The following CCDC138 variants were observed in gnomAD, a reference collection of about 807,000 sequenced individuals.
The protein encoded by CCDC138 is coiled-coil domain-containing protein 138.
A neutral mutation model predicts 82.3 loss-of-function variants in CCDC138; 66 were observed. The ratio of observed to expected loss-of-function variants is 0.80; its 90% CI spans 0.66 to 0.98. CCDC138 has a LOEUF of 0.98. Among genes scored for constraint, CCDC138 ranks in the 50% least tolerant of loss-of-function variants. The probability of loss-of-function intolerance (pLI) is 0.00; values close to 1 mark genes in which losing one functional copy is unlikely to be tolerated. For missense variants in CCDC138, 816 were observed against 758.9 expected, an observed-to-expected ratio of 1.08 and a Z score of -0.88; for synonymous variants, 297 against 265.4, an observed-to-expected ratio of 1.12 and a Z score of -1.16.
intron 11 of CCDC138, among the ~76,000 whole-genome samples, chr2:108,841,123 A>G (rs920700086): frequency 1.3e-5 from 2 of 152,142 alleles, no homozygotes; most frequent in African/African-American, 4.8e-5. Context: ...GGTGTGAGCC[A>G]CCGTGTCTGG....
intron 13 of CCDC138, among the ~76,000 whole-genome samples, chr2:108,858,726 G>T (rs999349906): frequency 1.3e-5 from 2 of 151,502 alleles, no homozygotes; most frequent in South Asian, 4.2e-4. Context: ...TTAGATTTAG[G>T]GGGTACATGT....
chr2:108,816,879 T>C (rs1227242425), intron 10 of CCDC138, among the ~76,000 whole-genome samples: 1 of 152,184 alleles, frequency 6.6e-6, no homozygotes, highest in African/African-American at 2.4e-5. Context: ...AAAATTTTTG[T>C]AGAGATCAGA....
intron 14 of CCDC138, among the ~76,000 whole-genome samples, chr2:108,874,389 A>T (rs1041247257): frequency 6.6e-6 from 1 of 152,196 alleles, no homozygotes; most frequent in Non-Finnish European, 1.5e-5. Context: ...ACCAGTTACT[A>T]AACTATAAAT....
intron 13 of CCDC138, among the ~76,000 whole-genome samples, chr2:108,865,667 G>A (rs1244348546): frequency 6.6e-6 from 1 of 152,100 alleles, no homozygotes; most frequent in Non-Finnish European, 1.5e-5. Context: ...GGTCCCTTCA[G>A]CTTCTGAGAC....
At chr2:108,838,627 C>G (rs187871708) in intron 10 of CCDC138, among the ~76,000 whole-genome samples, 1 of 152,140 alleles carries the variant, frequency 6.6e-6, no homozygotes, top group East Asian at 1.9e-4. Flanking sequence ...TCATAGACAT[C>G]CTTAAACAGT....
chr2:108,790,558 C>T (rs1410350599), intron 3 of CCDC138, among the ~76,000 whole-genome samples: 5 of 151,842 alleles, frequency 3.3e-5, no homozygotes, highest in African/African-American at 7.3e-5. Context: ...AAAAATTAGC[C>T]GGGCATGGTG....
rs1681270060 is a variant in CCDC138, at chr2:108,798,438, C to A, written c.587C>A (p.Ala196Glu). The part of the protein sequence containing the change: ...QIHLKLQCET[A>E]AQQKFAEELQ... ...GGCATTTTGATACAGTGTGAAACTG[C>A]AGCACAACAGAAATTTGCTGAAGAA... Residue 196 changes from alanine to glutamate, a missense_variant, in exon 6 of 15, where the codon GCA (alanine) becomes GAA (glutamate). Ala to Glu is a moderately radical substitution (Grantham distance 107). Coordinates refer to ENST00000295124, the MANE Select transcript of CCDC138 (RefSeq NM_144978.3). 6.2e-7 allele frequency: 1 copy of A among 1,612,312 alleles called. No homozygotes were observed. Among genetic ancestry groups the A allele is most frequent in the Non-Finnish European group, 8.5e-7 (1 of 1,179,320 alleles).
chr2:108,837,100 G>C (rs1343886454), intron 10 of CCDC138, among the ~76,000 whole-genome samples: 1 of 152,038 alleles, frequency 6.6e-6, no homozygotes, highest in East Asian at 1.9e-4. Flanking sequence ...AAGTGGTGAG[G>C]GTGTGCTTGT....
intron 6 of CCDC138, among the ~76,000 whole-genome samples, chr2:108,799,303 T>A (rs12988975): frequency 0.8 from 121,479 of 151,740 alleles, 48,896 homozygotes; most frequent in East Asian, 0.95. Context: ...TAAGATATAT[T>A]TTACTGTACA....
chr2:108,862,490 T>C (rs1318705697), intron 13 of CCDC138, among the ~76,000 whole-genome samples: 1 of 152,162 alleles, frequency 6.6e-6, no homozygotes, highest in Non-Finnish European at 1.5e-5. Context: ...TATAATGTGG[T>C]GATTACAGTT....
chr2:108,795,150 ATTTTTTTTTTT>A (rs11458525), intron 5 of CCDC138, among the ~76,000 whole-genome samples: 39 of 85,040 alleles, frequency 4.6e-4, no homozygotes, highest in Non-Finnish European at 6.6e-4. Flanking sequence ...TCTAAAGTGT[ATTTTTTTTTTT>A]TTTTTTTTTT....
At chr2:108,809,393 G>A (rs1219832870) in intron 7 of CCDC138, among the ~76,000 whole-genome samples, 1 of 151,176 alleles carries the variant, frequency 6.6e-6, no homozygotes, top group Non-Finnish European at 1.5e-5. Context: ...TGAATCTGTA[G>A]ATGACTTTGG....
chr2:108,797,737 G>GT (rs1681141599), intron 5 of CCDC138, among the ~76,000 whole-genome samples: 1 of 152,126 alleles, frequency 6.6e-6, no homozygotes, highest in Non-Finnish European at 1.5e-5. Flanking sequence ...GCTGTCTTCT[G>GT]TTTTTTCCCT....
At chr2:108,821,867 C>A (rs948147565) in intron 10 of CCDC138, among the ~76,000 whole-genome samples, 1 of 151,174 alleles carries the variant, frequency 6.6e-6, no homozygotes, top group Non-Finnish European at 1.5e-5. Flanking sequence ...ATTGCTTGAA[C>A]CCAGGAGGTG....
chr2:108,841,696 T>G (rs1021538396), intron 11 of CCDC138, among the ~76,000 whole-genome samples: 1 of 152,186 alleles, frequency 6.6e-6, no homozygotes, highest in Non-Finnish European at 1.5e-5. Context: ...TTTGTCAAGC[T>G]CTGTTTTAAT....
chr2:108,870,774 A>G (rs1252620816), intron 13 of CCDC138, among the ~76,000 whole-genome samples: 1 of 152,230 alleles, frequency 6.6e-6, no homozygotes, highest in African/African-American at 2.4e-5. Context: ...TGCCTGGAGT[A>G]GAGAAATAAG....
At chr2:108,824,548 T>C (rs1489047420) in intron 10 of CCDC138, among the ~76,000 whole-genome samples, 1 of 152,198 alleles carries the variant, frequency 6.6e-6, no homozygotes, top group Non-Finnish European at 1.5e-5. Flanking sequence ...CAATGCCTTT[T>C]CCTGGAAGAC....
rs184113097 is a variant in CCDC138 at position 108,826,654 on chromosome 2, A to T, written c.1206+10549A>T. Reference sequence around the variant, plus strand: ...GGTGTCACACTCGATTCATTACTGTAGCTTTGTAGTAAATTTTGAAAACAA... The same window carrying T: ...GGTGTCACACTCGATTCATTACTGTTGCTTTGTAGTAAATTTTGAAAACAA... On this transcript the variant is annotated intron_variant, in intron 10 of 14. Transcript: ENST00000295124. Among the ~76,000 whole-genome samples the T allele has an allele frequency of 1.9e-3, 286 of 152,284 alleles. 2 individuals carry two copies. Among genetic ancestry groups the T allele is most frequent in the Non-Finnish European group, 4.0e-4 (27 of 68,008 alleles).
chr2:108,804,955 C>T lies in CCDC138; in HGVS notation c.802C>T (p.Leu268=). 6.3e-7 allele frequency: 1 copy of T among 1,576,110 alleles called. No individual in the cohort carries two copies. Among genetic ancestry groups the T allele is most frequent in the Non-Finnish European group, 8.6e-7 (1 of 1,165,886 alleles). ...GGAAAAGAATAAAGAAACCAAGAGA[C>T]TGAGGTCCTCTTTTGATGCATTGAA... ...LKEKNKETKR[L]RSSFDALKEL... is the part of the protein sequence containing the mutation. Residue 268 remains leucine, a synonymous_variant, in exon 7 of 15, where the codon CTG becomes TTG. Transcript: ENST00000295124.
Sources: allele counts gnomAD v4.1 joint callset (sites outside exome capture counted in the v4.1 genomes callset), GRCh38; gene constraint gnomAD v4.1.1; transcripts MANE v1.5; gene names NCBI Gene and HGNC (gene_info 2026-07-23, HGNC 2026-07-21).